Variants in GREM1 observed in about 807,000 individuals in gnomAD.
GREM1 encodes the protein gremlin-1.
In GREM1, 6 loss-of-function variants were observed where a neutral mutation model predicts 13.1. The observed-to-expected ratio is 0.46, with a 90% CI of 0.25 to 0.91. The LOEUF (loss-of-function observed/expected upper bound fraction) is 0.91. Among genes scored for constraint, GREM1 ranks in the 40% least tolerant of loss-of-function variants. GREM1 has a pLI of 0.18. For missense variants in GREM1, 185 were observed against 233.9 expected, an observed-to-expected ratio of 0.79 and a Z score of 1.36; for synonymous variants, 98 against 93.7, an observed-to-expected ratio of 1.05 and a Z score of -0.27.
chr15:32,739,180 C>G lies in GREM1; in HGVS notation c.*7935C>G, dbSNP rs1345564173. ...TAAGGAATTTACAAAAGAACTGCTA[C>G]CCTGAAAGAATTGTTGTAAGGCAAA... On this transcript the variant is annotated 3_prime_UTR_variant, in exon 2 of 2. Transcript: ENST00000651154. 6.6e-6 allele frequency: 1 copy of G among 152,150 alleles called. No homozygotes were observed. Among genetic ancestry groups the G allele is most frequent in the Non-Finnish European group, 1.5e-5 (1 of 68,034 alleles). The allele number at this position is 152,150 out of a possible 1,614,324, so 9.4% of individuals were successfully genotyped here.
At chr15:32,728,148 TATGGAA>T (rs2055547232) in intron 1 of GREM1, among the ~76,000 whole-genome samples, 2 of 152,014 alleles carry the variant, frequency 1.3e-5, no homozygotes, top group Non-Finnish European at 2.9e-5. Context: ...TTAAATTTCA[TATGGAA>T]CTGAAAAAAG....
chr15:32,725,409 T>C (rs575996243), intron 1 of GREM1, among the ~76,000 whole-genome samples: 2 of 152,368 alleles, frequency 1.3e-5, no homozygotes, highest in Admixed American at 6.5e-5. Flanking sequence ...TTTTCTCATA[T>C]GTTTGCTGGC....
chr15:32,730,820 T>C lies in GREM1; in HGVS notation c.130T>C (p.Ser44Pro). The change falls in exon 2 of 2, where the codon TCA (serine) becomes CCA (proline). Residue 44 changes from serine to proline, a missense_variant. Coordinates refer to ENST00000651154, the MANE Select transcript of GREM1 (RefSeq NM_013372.7). ...PPPDKAQHNDSEQTQSPQQPG... is the reference protein window; with the variant it reads ...PPPDKAQHNDPEQTQSPQQPG... ...GCCAGACAAGGCCCAGCACAATGAC[T>C]CAGAGCAGACTCAGTCGCCCCAGCA... is the stretch of plus-strand genomic sequence containing the variant. 2 of 1,613,824 alleles carry C rather than the reference T, an allele frequency of 1.2e-6. No individual in the cohort carries two copies. The highest frequency in any genetic ancestry group is 1.7e-6 in the Non-Finnish European group (2 of 1,179,934).
intron 1 of GREM1, among the ~76,000 whole-genome samples, chr15:32,728,231 C>G (rs2055548829): frequency 6.6e-6 from 1 of 152,210 alleles, no homozygotes. Flanking sequence ...TACCTGACTT[C>G]AAACTATACT....
At chr15:32,722,250 C>G (rs2055420499) in intron 1 of GREM1, among the ~76,000 whole-genome samples, 2 of 152,242 alleles carry the variant, frequency 1.3e-5, no homozygotes. Context: ...CTTTCTAAAA[C>G]CTGGCCTGCA....
intron 1 of GREM1, among the ~76,000 whole-genome samples, chr15:32,722,278 C>T (rs1296011611): frequency 6.6e-6 from 1 of 152,240 alleles, no homozygotes; most frequent in Non-Finnish European, 1.5e-5. Context: ...CATTTGTAGT[C>T]ACTTCCACTA....
At chr15:32,725,469 T>A (rs1040333221) in intron 1 of GREM1, among the ~76,000 whole-genome samples, 26 of 152,238 alleles carry the variant, frequency 1.7e-4, no homozygotes, top group African/African-American at 6.3e-4. Context: ...CTTTGCCCAC[T>A]TTTTGATGGG....
At chr15:32,729,295 G>GGGATTACAGGCGT (rs2055570107) in intron 1 of GREM1, among the ~76,000 whole-genome samples, 1 of 152,112 alleles carries the variant, frequency 6.6e-6, no homozygotes, top group Non-Finnish European at 1.5e-5. Flanking sequence ...CCAAAGTGCT[G>GGGATTACAGGCGT]GGATTACAGG....
At position 32,738,136 on chromosome 15, in the gene GREM1, AAAG is replaced by A. The variant is rs796902858; in HGVS notation, c.*6894_*6896del. 50 of 141,586 alleles carry A rather than the reference AAAG, an allele frequency of 3.5e-4. 2 individuals carry two copies. Among genetic ancestry groups the A allele is most frequent in the African/African-American group, 1.3e-3 (49 of 37,940 alleles). 8.8% of individuals were successfully genotyped at this position (141,586 alleles called of 1,614,324 possible). A position where few individuals can be genotyped will look rare whatever the true frequency, so the allele number is the denominator to read the frequency against. ...AAAAAAAAAAAAAAAAAAAAAAAGA[AAAG>A]AAAAAAGTCATCCAGATTGGAAAAG... On this transcript the variant is annotated 3_prime_UTR_variant, in exon 2 of 2. Transcript: ENST00000651154.
chr15:32,718,762 G>C (rs920607752), intron 1 of GREM1: 1 of 314,360 alleles, frequency 3.2e-6, no homozygotes, highest in African/African-American at 2.2e-5. Context: ...AAAACCGAAC[G>C]GTGGGTAATC....
intron 1 of GREM1, among the ~76,000 whole-genome samples, chr15:32,725,318 G>C (rs2055481562): frequency 6.6e-6 from 1 of 152,046 alleles, no homozygotes; most frequent in African/African-American, 2.4e-5. Context: ...ACTCTTTAAT[G>C]ACGGCCATTC....
chr15:32,724,161 A>G (rs906582157), intron 1 of GREM1, among the ~76,000 whole-genome samples: 2 of 152,270 alleles, frequency 1.3e-5, no homozygotes, highest in African/African-American at 2.4e-5. Flanking sequence ...TGAAAATGCC[A>G]AGAAGGAAAA....
In GREM1 at chr15:32,728,908, G is replaced by T. The variant is rs2055561631; in HGVS notation, c.-1-1782G>T. 2.6e-5 allele frequency among the ~76,000 whole-genome samples: 4 copies of T among 152,138 alleles called. No individual in the cohort carries two copies. The South Asian group carries it at 8.3e-4, about 32-fold the overall frequency. On this transcript the variant is annotated intron_variant, in intron 1 of 1. Transcript: ENST00000651154. ...TTCTCTCCGTGCCCCATGGCAGCAA[G>T]TGCTTATAGGCCTTGCTACTCAAAG...
chr15:32,744,986 A>G lies in GREM1; in HGVS notation c.*13741A>G, dbSNP rs1467484608. ...TAAAATAAGAACAAAATGTACTTTG[A>G]CACACATCATTTTGTTTGGTTCTCA... On this transcript the variant is annotated 3_prime_UTR_variant, in exon 2 of 2. Transcript: ENST00000651154. 1 of 152,188 alleles carries G rather than the reference A, an allele frequency of 6.6e-6. No homozygotes were observed. The highest frequency in any genetic ancestry group is 2.1e-4 in the South Asian group (1 of 4,826). The allele number at this position is 152,188 out of a possible 1,614,324, so 9.4% of individuals were successfully genotyped here.
At position 32,731,930 on chromosome 15, in the gene GREM1, T is replaced by G. The variant is rs1055142395; in HGVS notation, c.*685T>G. The G allele has an allele frequency of 4.3e-6, 1 of 232,758 alleles. No individual in the cohort carries two copies. 14.4% of individuals were successfully genotyped at this position (232,758 alleles called of 1,614,324 possible). ...GGGTGGAGGGTGAGGCCAAATCAGGTCCAGCAAAAGTCAGTAGGGACATTG... is the reference window on the plus strand; with the variant it reads ...GGGTGGAGGGTGAGGCCAAATCAGGGCCAGCAAAAGTCAGTAGGGACATTG... On this transcript the variant is annotated 3_prime_UTR_variant, in exon 2 of 2. Transcript: ENST00000651154.
At position 32,738,375 on chromosome 15, in the gene GREM1, G is replaced by C. The variant is rs1324143673; in HGVS notation, c.*7130G>C. ...AGCACCCTTTGAATAGTATCAAAAA[G>C]AATAAAATACATAGAAAAAATGTAA... is the stretch of plus-strand genomic sequence containing the variant. On this transcript the variant is annotated 3_prime_UTR_variant, in exon 2 of 2. Coordinates refer to ENST00000651154, the MANE Select transcript of GREM1 (RefSeq NM_013372.7). 9 of 151,648 alleles carry C rather than the reference G, an allele frequency of 5.9e-5. No individual in the cohort carries two copies. The highest frequency in any genetic ancestry group is 2.9e-5 in the Non-Finnish European group (2 of 67,916). 9.4% of individuals were successfully genotyped at this position (151,648 alleles called of 1,614,324 possible). A position where few individuals can be genotyped will look rare whatever the true frequency, so the allele number is the denominator to read the frequency against.
intron 1 of GREM1, among the ~76,000 whole-genome samples, chr15:32,729,864 G>T (rs2055584227): frequency 6.6e-6 from 1 of 152,030 alleles, no homozygotes; most frequent in Non-Finnish European, 1.5e-5. Flanking sequence ...GTGATACATT[G>T]AGTATCTGTG....
chr15:32,724,210 TA>T (rs1400143330), intron 1 of GREM1, among the ~76,000 whole-genome samples: 1 of 152,218 alleles, frequency 6.6e-6, no homozygotes, highest in Non-Finnish European at 1.5e-5. Context: ...TTCAGAGAAA[TA>T]AAATTGCATT....
At position 32,741,733 on chromosome 15, in the gene GREM1, A is replaced by G. The variant is rs1281047921; in HGVS notation, c.*10488A>G. 1 of 152,202 alleles carries G rather than the reference A, an allele frequency of 6.6e-6. No homozygotes were observed. The highest frequency in any genetic ancestry group is 2.4e-5 in the African/African-American group (1 of 41,462). The allele number at this position is 152,202 out of a possible 1,614,324, so 9.4% of individuals were successfully genotyped here. On this transcript the variant is annotated 3_prime_UTR_variant, in exon 2 of 2. Coordinates refer to ENST00000651154, the MANE Select transcript of GREM1 (RefSeq NM_013372.7). ...TTGAATAGAAGTGATGAGAGTGGGC[A>G]TGTATGCCTTGTTTCTGGTCTTAAA...
Sources: gnomAD v4.1 joint callset for allele counts (sites outside exome capture counted in the v4.1 genomes callset) on GRCh38, gnomAD v4.1.1 for gene constraint, MANE v1.5 for transcripts, NCBI Gene and HGNC (gene_info 2026-07-23, HGNC 2026-07-21) for gene names.